Variants in FGF5 observed in about 807,000 individuals in gnomAD.
FGF5 encodes the protein heparin-binding growth factor 5.
Under a neutral mutation model 21.8 loss-of-function variants are expected in FGF5, and 23 were observed. The observed-to-expected ratio is 1.05, with a 90% CI of 0.76 to 1.49. The LOEUF is 1.49. Among genes scored for constraint, FGF5 ranks in the 40% most tolerant of loss-of-function variants. The probability of loss-of-function intolerance (pLI) is 0.00; values close to 1 mark genes in which losing one functional copy is unlikely to be tolerated. For synonymous variants in FGF5, 158 were observed against 124.0 expected (o/e 1.27, Z -1.82); for missense variants, 352 against 332.9 (o/e 1.06, Z -0.45).
intron 1 of FGF5, among the ~76,000 whole-genome samples, chr4:80,272,028 G>A (rs1434290708): frequency 6.6e-6 from 1 of 152,132 alleles, no homozygotes; most frequent in Admixed American, 6.6e-5. Flanking sequence ...AAGGCATTGT[G>A]AAATCACTGC....
At chr4:80,274,338 G>T (rs1166791939) in intron 1 of FGF5, among the ~76,000 whole-genome samples, 1 of 151,978 alleles carries the variant, frequency 6.6e-6, no homozygotes, top group Non-Finnish European at 1.5e-5. Context: ...TATTTATAAT[G>T]CTTTCAGTAT....
intron 2 of FGF5, among the ~76,000 whole-genome samples, chr4:80,285,082 A>G (rs1410182791): frequency 1.3e-5 from 2 of 152,274 alleles, no homozygotes; most frequent in South Asian, 4.1e-4. Context: ...TTGGATTCTC[A>G]TAACAGCCCT....
intron 1 of FGF5, chr4:80,268,450 G>C (rs528469729): frequency 3.0e-6 from 3 of 985,002 alleles, no homozygotes; most frequent in Admixed American, 6.1e-5. Flanking sequence ...TCAGACCAAA[G>C]ACTCCACGGG....
intron 1 of FGF5, among the ~76,000 whole-genome samples, chr4:80,272,399 T>C (rs1720294097): frequency 6.6e-6 from 1 of 152,150 alleles, no homozygotes; most frequent in African/African-American, 2.4e-5. Context: ...TACATGCAAC[T>C]TGTACATAAT....
intron 2 of FGF5, among the ~76,000 whole-genome samples, chr4:80,281,460 T>A (rs1720553665): frequency 6.6e-6 from 1 of 152,230 alleles, no homozygotes; most frequent in Non-Finnish European, 1.5e-5. Context: ...TTTGGCTTTT[T>A]TTCCCTTAAC....
chr4:80,277,387 T>C (rs560206456), intron 2 of FGF5, among the ~76,000 whole-genome samples: 41 of 152,276 alleles, frequency 2.7e-4, no homozygotes, highest in African/African-American at 8.9e-4. Context: ...AAACCAATTA[T>C]CCAAGCCCAC....
At position 80,286,627 on chromosome 4, in the gene FGF5, A is replaced by G. The variant is rs1720736107; in HGVS notation, c.762A>G (p.Lys254=). The G allele has an allele frequency of 2.5e-6, 4 of 1,614,074 alleles. No homozygotes were observed. The South Asian group carries it at 4.4e-5, about 18-fold the overall frequency. Residue 254 remains lysine, a synonymous_variant, in exon 3 of 3, where the codon AAA becomes AAG. Transcript: ENST00000312465. The part of the protein sequence containing the change: ...KPKIPLSAPR[K]NTNSVKYRLK... ...AGATTCCCCTTTCTGCACCTCGGAAAAATACCAACTCAGTGAAATACAGAC... is the reference window on the plus strand; with the variant it reads ...AGATTCCCCTTTCTGCACCTCGGAAGAATACCAACTCAGTGAAATACAGAC...
chr4:80,271,529 G>T (rs769431670), intron 1 of FGF5, among the ~76,000 whole-genome samples: 8 of 152,058 alleles, frequency 5.3e-5, no homozygotes, highest in African/African-American at 1.4e-4. Flanking sequence ...CGTCCACCCC[G>T]TGCCTTCTCA....
intron 2 of FGF5, among the ~76,000 whole-genome samples, chr4:80,285,034 G>A (rs1261564697): frequency 6.6e-6 from 1 of 152,018 alleles, no homozygotes; most frequent in Non-Finnish European, 1.5e-5. Flanking sequence ...GGGGGTTATG[G>A]GCTCTTTCAA....
Position 80,266,835 on chromosome 4 carries a change from CCTT to C in FGF5, c.13_15del (p.Phe5del), listed in dbSNP as rs1446839681. 3 of 1,590,296 alleles carry C rather than the reference CCTT, an allele frequency of 1.9e-6. No individual in the cohort carries two copies. In the South Asian group the frequency reaches 3.5e-5, roughly 18 times the overall value. Reference sequence around the variant, plus strand: ...CCCGCGGCTGGAAGAATGAGCTTGTCCTTCCTCCTCCTCCTCTTCTTCAGCCAC... The same window carrying C: ...CCCGCGGCTGGAAGAATGAGCTTGTCCCTCCTCCTCCTCTTCTTCAGCCAC... On this transcript the variant is annotated inframe_deletion, in exon 1 of 3. Coordinates refer to ENST00000312465, the MANE Select transcript of FGF5 (RefSeq NM_004464.4).
rs1720783969 is a variant in FGF5 at position 80,287,997 on chromosome 4, T to G, written c.*1325T>G. 6.6e-6 allele frequency: 1 copy of G among 152,168 alleles called. No homozygotes were observed. The highest frequency in any genetic ancestry group is 2.4e-5 in the African/African-American group (1 of 41,456). 9.4% of individuals were successfully genotyped at this position (152,168 alleles called of 1,614,324 possible). ...TGCTGGACATAAATCACAGAAAATT[T>G]AACTTAAGAAAATTTACAAAATTTA... On this transcript the variant is annotated 3_prime_UTR_variant, in exon 3 of 3. Transcript: ENST00000312465.
At chr4:80,267,232 G>C (rs1720122851) in intron 1 of FGF5, 53 bp downstream of exon 1, 2 of 1,414,050 alleles carry the variant, frequency 1.4e-6, no homozygotes, top group Non-Finnish European at 1.9e-6. Flanking sequence ...CGGAAGATTC[G>C]GGAGGGACAG....
chr4:80,289,396 A>G lies in FGF5; in HGVS notation c.*2724A>G, dbSNP rs1414526092. 6.6e-6 allele frequency: 1 copy of G among 152,218 alleles called. No individual in the cohort carries two copies. The highest frequency in any genetic ancestry group is 1.5e-5 in the Non-Finnish European group (1 of 68,030). 9.4% of individuals were successfully genotyped at this position (152,218 alleles called of 1,614,324 possible). ...TAAATATAAGTCTATACTAATGCTT[A>G]CAACTTTCTAAGAGGGTTCTTGCTT... On this transcript the variant is annotated 3_prime_UTR_variant, in exon 3 of 3. Transcript: ENST00000312465.
At chr4:80,269,292 G>A (rs1218206168) in intron 1 of FGF5, among the ~76,000 whole-genome samples, 1 of 152,182 alleles carries the variant, frequency 6.6e-6, no homozygotes, top group African/African-American at 2.4e-5. Context: ...GGAGCCCAGG[G>A]AGCTCAGAGA....
At chr4:80,285,467 C>T (rs897991454) in intron 2 of FGF5, among the ~76,000 whole-genome samples, 4 of 152,138 alleles carry the variant, frequency 2.6e-5, no homozygotes, top group African/African-American at 9.7e-5. Context: ...CAAATGTCAC[C>T]TTTTATAGGA....
chr4:80,287,502 G>A lies in FGF5; in HGVS notation c.*830G>A, dbSNP rs1432394221. On this transcript the variant is annotated 3_prime_UTR_variant, in exon 3 of 3. Transcript: ENST00000312465. ...GGGAGGTAAGGAAAAGGATTTAGAG[G>A]TAAAAGTACACTAAGTTTGCAACAT... 1 of 152,088 alleles carries A rather than the reference G, an allele frequency of 6.6e-6. No individual in the cohort carries two copies. The highest frequency in any genetic ancestry group is 1.5e-5 in the Non-Finnish European group (1 of 68,016). 9.4% of individuals were successfully genotyped at this position (152,088 alleles called of 1,614,324 possible).
chr4:80,277,423 C>T (rs1720444432), intron 2 of FGF5, among the ~76,000 whole-genome samples: 1 of 152,040 alleles, frequency 6.6e-6, no homozygotes, highest in Admixed American at 6.6e-5. Context: ...CATTTATTAG[C>T]ACTTTTCCTC....
chr4:80,280,986 T>C (rs1472757512), intron 2 of FGF5, among the ~76,000 whole-genome samples: 1 of 152,152 alleles, frequency 6.6e-6, no homozygotes, highest in African/African-American at 2.4e-5. Flanking sequence ...TAGTTGATAT[T>C]CTTTACTGCA....
chr4:80,276,739 AGTTC>A, intron 2 of FGF5, among the ~76,000 whole-genome samples: 1 of 149,912 alleles, frequency 6.7e-6, no homozygotes. Context: ...CATACAGATG[AGTTC>A]TCACGAGGGC....
Sources: allele counts gnomAD v4.1 joint callset (sites outside exome capture counted in the v4.1 genomes callset), GRCh38; gene constraint gnomAD v4.1.1; transcripts MANE v1.5; gene names NCBI Gene and HGNC (gene_info 2026-07-23, HGNC 2026-07-21).